Variants in AQR observed in about 807,000 individuals in gnomAD.
AQR encodes the protein aquarius intron-binding spliceosomal factor.
AQR carries 61 observed loss-of-function variants against 180.5 expected under a neutral mutation model. The ratio of observed to expected loss-of-function variants is 0.34; its 90% CI spans 0.28 to 0.42. AQR has a LOEUF of 0.42. Among genes scored for constraint, AQR ranks in the 10% least tolerant of loss-of-function variants. The pLI, the probability that AQR is intolerant of heterozygous loss-of-function variation, is 1.00. For synonymous variants in AQR, 551 were observed against 588.8 expected (o/e 0.94, Z 0.93); for missense variants, 1,281 against 1,798.3 (o/e 0.71, Z 5.20).
intron 14 of AQR, among the ~76,000 whole-genome samples, chr15:34,920,049 AT>A (rs1420997654): frequency 2.0e-5 from 3 of 152,218 alleles, no homozygotes; most frequent in Non-Finnish European, 4.4e-5. Context: ...TAGCACAGGA[AT>A]TTTTAGGAAC....
rs903215644 is a variant in AQR, at chr15:34,900,961, C to G, written c.2002-98G>C. The G allele has an allele frequency of 3.4e-6, 5 of 1,450,760 alleles. No individual in the cohort carries two copies. The East Asian group carries it at 9.4e-5, about 27-fold the overall frequency. The allele number at this position is 1,450,760 out of a possible 1,614,324, so 89.9% of individuals were successfully genotyped here. A position where few individuals can be genotyped will look rare whatever the true frequency, so the allele number is the denominator to read the frequency against. ...GCTGGCTGCACTAATCCAGAATTCC[C>G]GAGTGTTTCAGAGCAAGAAGCTATT... is the stretch of plus-strand genomic sequence containing the variant. On this transcript the variant is annotated intron_variant, in intron 19 of 34. Transcript: ENST00000156471.
chr15:34,941,024 T>C (rs1325265985), intron 7 of AQR, 25 bp from the exon 8 acceptor site: 1 of 1,490,378 alleles, frequency 6.7e-7, no homozygotes, highest in Non-Finnish European at 9.2e-7. Context: ...TGTTATTAAA[T>C]TACCAGTAGC....
intron 11 of AQR, among the ~76,000 whole-genome samples, chr15:34,930,588 T>C (rs892081097): frequency 1.3e-5 from 2 of 152,206 alleles, no homozygotes; most frequent in Admixed American, 6.5e-5. Context: ...ATCTATTTCA[T>C]ATACATGGTC....
In AQR at chr15:34,944,176, A is replaced by G. The variant is rs1414143711; in HGVS notation, c.471+112T>C. 4 of 1,021,238 alleles carry G rather than the reference A, an allele frequency of 3.9e-6. No homozygotes were observed. The Admixed American group carries it at 1.1e-4, about 29-fold the overall frequency. 63.3% of individuals were successfully genotyped at this position (1,021,238 alleles called of 1,614,324 possible). ...AAATCAAGCTTTTAGCATTATCCTTATTGCCTGCTATTATGGATGAATGGA... is the reference window on the plus strand; with the variant it reads ...AAATCAAGCTTTTAGCATTATCCTTGTTGCCTGCTATTATGGATGAATGGA... On this transcript the variant is annotated intron_variant, in intron 6 of 34. Transcript: ENST00000156471.
At chr15:34,931,246 ATGTCTCCCC>A (rs1893854955) in intron 11 of AQR, among the ~76,000 whole-genome samples, 1 of 152,066 alleles carries the variant, frequency 6.6e-6, no homozygotes. Context: ...CGAGGCTCTG[ATGTCTCCCC>A]TGTAGCAGCA....
chr15:34,865,698 T>C (rs1161746223), intron 32 of AQR, among the ~76,000 whole-genome samples: 4 of 152,152 alleles, frequency 2.6e-5, no homozygotes, highest in Admixed American at 6.5e-5. Flanking sequence ...AAATGTGACA[T>C]AGCCACACAA....
At chr15:34,858,320 C>CAAAAAAAAACAA (rs1892620083) in intron 34 of AQR, among the ~76,000 whole-genome samples, 1 of 86,090 alleles carries the variant, frequency 1.2e-5, no homozygotes, top group Non-Finnish European at 2.3e-5. Context: ...ACGACAGCAG[C>CAAAAAAAAACAA]AAAAAAAAAA....
chr15:34,927,153 C>CA lies in AQR; in HGVS notation c.1015-16dup. 4 of 1,442,412 alleles carry CA rather than the reference C, an allele frequency of 2.8e-6. No homozygotes were observed. The highest frequency in any genetic ancestry group is 1.3e-5 in the South Asian group (1 of 74,324). The allele number at this position is 1,442,412 out of a possible 1,614,324, so 89.4% of individuals were successfully genotyped here. On this transcript the variant is annotated splice_polypyrimidine_tract_variant and intron_variant, in intron 12 of 34. Transcript: ENST00000156471. ...AAAGCAGCTCTCTAGAAAATAATGGCAAAAAATATTAATAATTAATGTCTA... is the reference window on the plus strand; with the variant it reads ...AAAGCAGCTCTCTAGAAAATAATGGCAAAAAAATATTAATAATTAATGTCTA...
Position 34,890,456 on chromosome 15 carries a change from T to C in AQR, c.2572-132A>G, listed in dbSNP as rs1800879506. On this transcript the variant is annotated intron_variant, in intron 23 of 34. Transcript: ENST00000156471. ...CCATTTATAATTTAATCAAATAGTA[T>C]TTATATTGATTTCTGATATTGCCAT... 5 of 679,654 alleles carry C rather than the reference T, an allele frequency of 7.4e-6. No individual in the cohort carries two copies. The East Asian group carries it at 1.3e-4, about 17-fold the overall frequency. 42.1% of individuals were successfully genotyped at this position (679,654 alleles called of 1,614,324 possible).
intron 8 of AQR, among the ~76,000 whole-genome samples, chr15:34,939,071 T>G (rs1893985829): frequency 6.6e-6 from 1 of 152,130 alleles, no homozygotes; most frequent in African/African-American, 2.4e-5. Flanking sequence ...TTCTTTTTTC[T>G]GCTTTTTTTG....
chr15:34,906,553 A>ATGACACGTC lies in AQR; in HGVS notation c.1814_1822dup (p.Val607_Ile608insArgArgVal). The stretch of plus-strand genomic sequence containing the variant: ...AATATAGGTCACCATACCATCTTCA[A>ATGACACGTC]TGACACGTCCTTTATCATCCAGCAT... On this transcript the variant is annotated inframe_insertion, in exon 18 of 35. Transcript: ENST00000156471. The ATGACACGTC allele has an allele frequency of 6.2e-7, 1 of 1,613,978 alleles. No individual in the cohort carries two copies. The highest frequency in any genetic ancestry group is 1.6e-4 in the Middle Eastern group (1 of 6,062).
chr15:34,918,312 C>A lies in AQR; in HGVS notation c.1288G>T (p.Glu430Ter). 1 of 1,613,740 alleles carries A rather than the reference C, an allele frequency of 6.2e-7. No individual in the cohort carries two copies. Among genetic ancestry groups the A allele is most frequent in the South Asian group, 1.1e-5 (1 of 91,052 alleles). Residue 430 changes from glutamate (E) to a stop codon, truncating the protein, a stop_gained, in exon 15 of 35, where the codon GAG (glutamate) becomes TAG (stop). Coordinates refer to ENST00000156471, the MANE Select transcript of AQR (RefSeq NM_014691.3). LOFTEE classifies it high-confidence loss of function. ...ATATTTTCATCCCATATAATTTTCT[C>A]AGTTGGATACAAAGGCATCTGGTTC... ...QLNQMPLYPT[E>*]KIIWDENIVP...
chr15:34,894,244 C>A (rs960012853), intron 22 of AQR, among the ~76,000 whole-genome samples: 1 of 151,896 alleles, frequency 6.6e-6, no homozygotes, highest in Non-Finnish European at 1.5e-5. Flanking sequence ...AAAAAAAGTC[C>A]TGATAGCAAC....
chr15:34,911,164 C>A (rs763540813), intron 16 of AQR, among the ~76,000 whole-genome samples: 4 of 152,210 alleles, frequency 2.6e-5, no homozygotes, highest in African/African-American at 4.8e-5. Context: ...TATGTACACA[C>A]ACACCACATT....
chr15:34,964,385 G>A (rs1566793338), intron 1 of AQR, 95 bp from the exon 2 acceptor site: 1 of 1,002,562 alleles, frequency 1.0e-6, no homozygotes, highest in East Asian at 2.6e-5. Flanking sequence ...TCTTAACAAG[G>A]CCCTACTCGG....
chr15:34,887,887 C>T (rs1349689697), intron 24 of AQR, among the ~76,000 whole-genome samples: 1 of 152,130 alleles, frequency 6.6e-6, no homozygotes, highest in Non-Finnish European at 1.5e-5. Flanking sequence ...CTTTTTTCTG[C>T]TTGCTTATCT....
rs190102918 is a variant in AQR at position 34,860,781 on chromosome 15, C to T, written c.4030-626G>A. 1.4e-3 allele frequency among the ~76,000 whole-genome samples: 212 copies of T among 152,238 alleles called. 1 individual carries two copies. Among genetic ancestry groups the T allele is most frequent in the Non-Finnish European group, 1.8e-3 (123 of 68,006 alleles). On this transcript the variant is annotated intron_variant, in intron 33 of 34. Coordinates refer to ENST00000156471, the MANE Select transcript of AQR (RefSeq NM_014691.3). Reference sequence around the variant, plus strand: ...AGTCAAGAGGGTGAATATTCAAATGCTCTTTTTAAGATTTTGGTGTCTATC... The same window carrying T: ...AGTCAAGAGGGTGAATATTCAAATGTTCTTTTTAAGATTTTGGTGTCTATC...
chr15:34,907,211 G>T (rs1019441133), intron 17 of AQR, among the ~76,000 whole-genome samples: 1 of 152,200 alleles, frequency 6.6e-6, no homozygotes, highest in African/African-American at 2.4e-5. Context: ...ATTGTTTACA[G>T]GTATGATCTT....
At chr15:34,899,620 C>A (rs1316840715) in intron 20 of AQR, among the ~76,000 whole-genome samples, 3 of 151,640 alleles carry the variant, frequency 2.0e-5, no homozygotes, top group Non-Finnish European at 4.4e-5. Context: ...ATCCTCCCAA[C>A]TTCACCTCCC....
Sources: allele counts gnomAD v4.1 joint callset (sites outside exome capture counted in the v4.1 genomes callset), GRCh38; gene constraint gnomAD v4.1.1; transcripts MANE v1.5; gene names NCBI Gene and HGNC (gene_info 2026-07-23, HGNC 2026-07-21).